Variants in NGLY1 observed in about 807,000 individuals in gnomAD.
NGLY1 encodes the protein peptide-N(4)-(N-acetyl-beta-glucosaminyl)asparagine amidase.
A neutral mutation model predicts 84.6 loss-of-function variants in NGLY1; 68 were observed. The observed-to-expected ratio is 0.80, with a 90% CI of 0.66 to 0.98. The LOEUF (loss-of-function observed/expected upper bound fraction) is 0.98, where lower values mean the gene tolerates loss of function less well. NGLY1 is among the 50% of genes least tolerant of loss of function. The pLI is 0.00. For missense variants in NGLY1, 779 were observed against 770.2 expected, an observed-to-expected ratio of 1.01 and a Z score of -0.14; for synonymous variants, 280 against 275.2, an observed-to-expected ratio of 1.02 and a Z score of -0.17.
At chr3:25,780,362 A>G (rs1708355826) in intron 1 of NGLY1, among the ~76,000 whole-genome samples, 1 of 152,196 alleles carries the variant, frequency 6.6e-6, no homozygotes, top group South Asian at 2.1e-4. Context: ...ATAATCCTAC[A>G]TTTATCAAAG....
In NGLY1 at chr3:25,721,133, C is replaced by T. The variant is rs144223395; in HGVS notation, c.1612-942G>A. Among the ~76,000 whole-genome samples, 409 of 152,290 alleles carry T rather than the reference C, an allele frequency of 2.7e-3. 1 individual carries two copies. The highest frequency in any genetic ancestry group is 6.0e-3 in the Admixed American group (92 of 15,298). ...AGACACAGGGTCTCACTCTGTCACCCAGGCTGGAATGCAGTGGTGCAATCA... is the reference window on the plus strand; with the variant it reads ...AGACACAGGGTCTCACTCTGTCACCTAGGCTGGAATGCAGTGGTGCAATCA... On this transcript the variant is annotated intron_variant, in intron 10 of 11. Coordinates refer to ENST00000280700, the MANE Select transcript of NGLY1 (RefSeq NM_018297.4).
chr3:25,778,754 C>T, intron 1 of NGLY1, 66 bp from the exon 2 acceptor site: 1 of 935,182 alleles, frequency 1.1e-6, no homozygotes, highest in African/African-American at 1.7e-5. Context: ...AAAGACTTTA[C>T]TTTCAACAAA....
upstream of NGLY1, among the ~76,000 whole-genome samples, chr3:25,787,672 T>C (rs1708634518): frequency 6.6e-6 from 1 of 152,226 alleles, no homozygotes; most frequent in South Asian, 2.1e-4. Flanking sequence ...AATAAAAGAA[T>C]GTTGCACTCC....
At chr3:25,752,854 A>G (rs2125518051) in intron 3 of NGLY1, among the ~76,000 whole-genome samples, 1 of 151,836 alleles carries the variant, frequency 6.6e-6, no homozygotes, top group Non-Finnish European at 1.5e-5. Context: ...TAAAGAAGAA[A>G]GCATAGATGG....
At chr3:25,730,495 T>C (rs775485999) in intron 9 of NGLY1, 1 of 152,128 alleles carries the variant, frequency 6.6e-6, no homozygotes, top group Non-Finnish European at 1.5e-5. Flanking sequence ...AGCACACCCA[T>C]GCATAAAAAG....
Position 25,719,313 on chromosome 3 carries a change from T to C in NGLY1, c.*147A>G. On this transcript the variant is annotated 3_prime_UTR_variant, in exon 12 of 12. Coordinates refer to ENST00000280700, the MANE Select transcript of NGLY1 (RefSeq NM_018297.4). ...TTTTATTATAGTCCACGTATAAAGA[T>C]AATTTTCATGAGGGTTACATGATGG... is the stretch of plus-strand genomic sequence containing the variant. 1 of 539,102 alleles carries C rather than the reference T, an allele frequency of 1.9e-6. No individual in the cohort carries two copies. The highest frequency in any genetic ancestry group is 1.9e-5 in the African/African-American group (1 of 53,014). The allele number at this position is 539,102 out of a possible 1,614,324, so 33.4% of individuals were successfully genotyped here.
chr3:25,727,587 A>G (rs972218737), intron 10 of NGLY1, among the ~76,000 whole-genome samples: 1 of 152,144 alleles, frequency 6.6e-6, no homozygotes, highest in Admixed American at 6.6e-5. Context: ...TCCTTATTAT[A>G]GCACTCTGCA....
At chr3:25,779,441 T>C (rs1313343161) in intron 1 of NGLY1, among the ~76,000 whole-genome samples, 2 of 152,252 alleles carry the variant, frequency 1.3e-5, no homozygotes, top group Non-Finnish European at 2.9e-5. Flanking sequence ...CATAGTATTA[T>C]ATTCAAAAGA....
rs560761665 is a variant in NGLY1 at position 25,719,422 on chromosome 3, C to T, written c.*38G>A. 1.3e-6 allele frequency: 2 copies of T among 1,589,480 alleles called. No homozygotes were observed. The highest frequency in any genetic ancestry group is 1.7e-6 in the Non-Finnish European group (2 of 1,160,376). On this transcript the variant is annotated 3_prime_UTR_variant, in exon 12 of 12. Transcript: ENST00000280700. ...GAACCAACAGACTACTTCAGTAAGT[C>T]CTTGATTATTGCCAGCTTTTCTATA...
intron 4 of NGLY1, among the ~76,000 whole-genome samples, chr3:25,749,022 T>C (rs1371522835): frequency 6.6e-6 from 1 of 151,958 alleles, no homozygotes; most frequent in African/African-American, 2.4e-5. Context: ...ATTAGGAAAA[T>C]GCAAATCAAA....
At chr3:25,762,983 G>A (rs1707387072) in intron 3 of NGLY1, among the ~76,000 whole-genome samples, 1 of 151,954 alleles carries the variant, frequency 6.6e-6, no homozygotes. Context: ...AAATTAGCCA[G>A]GAGAGATGGT....
intron 4 of NGLY1, among the ~76,000 whole-genome samples, chr3:25,746,757 G>A (rs1255165144): frequency 6.6e-6 from 1 of 152,200 alleles, no homozygotes; most frequent in Non-Finnish European, 1.5e-5. Flanking sequence ...GAGGAAATAT[G>A]ATGGACACAA....
intron 1 of NGLY1, 24 bp from the exon 2 acceptor site, chr3:25,778,712 T>A: frequency 6.9e-7 from 1 of 1,440,162 alleles, no homozygotes; most frequent in African/African-American, 1.4e-5. Flanking sequence ...AAAGTTTGAT[T>A]ATATATAAAA....
intron 2 of NGLY1, among the ~76,000 whole-genome samples, chr3:25,771,448 T>C (rs1211157743): frequency 6.6e-6 from 1 of 152,216 alleles, no homozygotes; most frequent in Non-Finnish European, 1.5e-5. Flanking sequence ...TATAGTCTTG[T>C]AGTATAGTTT....
intron 1 of NGLY1, among the ~76,000 whole-genome samples, chr3:25,782,078 G>T (rs1407553056): frequency 6.6e-6 from 1 of 152,222 alleles, no homozygotes. Context: ...CAATTATGTA[G>T]CTGTGAACAG....
chr3:25,770,302 C>A (rs946556441), intron 2 of NGLY1, among the ~76,000 whole-genome samples: 2 of 152,302 alleles, frequency 1.3e-5, no homozygotes, highest in Non-Finnish European at 1.5e-5. Flanking sequence ...GTGCCCGCCA[C>A]CATGCCCAGC....
In NGLY1 at chr3:25,783,424, C is replaced by G. The variant is rs1366745749; in HGVS notation, c.-34G>C. ...GCCAGCGGGCGCCGCCGCCGCCCCT[C>G]GCTCTCCGCGTCCCACACTGAGCAG... On this transcript the variant is annotated 5_prime_UTR_variant, in exon 1 of 12. Coordinates refer to ENST00000280700, the MANE Select transcript of NGLY1 (RefSeq NM_018297.4). This position sits in a 1 kb window ranked among gnomAD's most constrained non-coding sequence, Gnocchi z 4.5. The G allele has an allele frequency of 6.6e-7, 1 of 1,515,822 alleles. No homozygotes were observed. Among genetic ancestry groups the G allele is most frequent in the Non-Finnish European group, 8.8e-7 (1 of 1,133,300 alleles). The allele number at this position is 1,515,822 out of a possible 1,614,324, so 93.9% of individuals were successfully genotyped here.
rs761374303 is a variant in NGLY1, at chr3:25,729,281, T to G, written c.1463A>C (p.Lys488Thr). 6.8e-7 allele frequency: 1 copy of G among 1,474,860 alleles called. No homozygotes were observed. Among genetic ancestry groups the G allele is most frequent in the South Asian group, 1.5e-5 (1 of 66,932 alleles). The allele number at this position is 1,474,860 out of a possible 1,614,324, so 91.4% of individuals were successfully genotyped here. Residue 488 changes from lysine to threonine, a missense_variant, in exon 10 of 12, where the codon AAG becomes ACG. By Grantham distance (78) the Lys-to-Thr change is moderately conservative (BLOSUM62 -1). Transcript: ENST00000280700. ...ACAAAGGTGGAGCTGTTTAGAAATC[T>G]TCTCATTTTCACAGGGAATAAACAA... ...ETLFIPCENE[K>T]ISKQLHLCYN...
At chr3:25,733,809 C>T (rs186811810) in intron 8 of NGLY1, 63 bp downstream of exon 8, 28 of 1,039,696 alleles carry the variant, frequency 2.7e-5, no homozygotes, top group Middle Eastern at 2.1e-4. Flanking sequence ...GGCTAATAAA[C>T]GGCTATTCTC....
Sources: gnomAD v4.1 joint callset for allele counts (sites outside exome capture counted in the v4.1 genomes callset) on GRCh38, gnomAD v4.1.1 for gene constraint, Gnocchi (gnomAD v3.1) non-coding constraint, MANE v1.5 for transcripts, NCBI Gene and HGNC (gene_info 2026-07-23, HGNC 2026-07-21) for gene names.